Variants in SCMH1 observed in about 807,000 individuals in gnomAD.
SCMH1 encodes the protein Scm polycomb group protein homolog 1.
Under a neutral mutation model 70.8 loss-of-function variants are expected in SCMH1, and 37 were observed. The ratio of observed to expected loss-of-function variants is 0.52; its 90% CI spans 0.40 to 0.69. SCMH1 has a LOEUF of 0.69. Among genes scored for constraint, SCMH1 ranks in the 30% least tolerant of loss-of-function variants. The probability of loss-of-function intolerance (pLI) is 0.00; values close to 1 mark genes in which losing one functional copy is unlikely to be tolerated. For missense variants in SCMH1, 607 were observed against 827.3 expected, an observed-to-expected ratio of 0.73 and a Z score of 3.27; for synonymous variants, 292 against 307.4, an observed-to-expected ratio of 0.95 and a Z score of 0.52.
chr1:41,064,169 A>T (rs1167950229), intron 10 of SCMH1, among the ~76,000 whole-genome samples: 2 of 152,244 alleles, frequency 1.3e-5, no homozygotes, highest in Non-Finnish European at 2.9e-5. Flanking sequence ...ATAGATGCAG[A>T]AAAAGGATGT....
intron 2 of SCMH1, among the ~76,000 whole-genome samples, chr1:41,179,401 C>A (rs1353940021): frequency 6.6e-6 from 1 of 152,078 alleles, no homozygotes; most frequent in Non-Finnish European, 1.5e-5. Context: ...ACACAAAAAA[C>A]CCTTCCAAAA....
chr1:41,152,438 A>C (rs946136984), intron 4 of SCMH1, among the ~76,000 whole-genome samples: 2 of 152,248 alleles, frequency 1.3e-5, no homozygotes, highest in African/African-American at 4.8e-5. Flanking sequence ...AGTTTGAAGA[A>C]CACTGTCCTA....
chr1:41,191,626 C>T (rs1208323802), intron 1 of SCMH1, among the ~76,000 whole-genome samples: 2 of 152,150 alleles, frequency 1.3e-5, no homozygotes, highest in African/African-American at 4.8e-5. Context: ...TTTAATGTCT[C>T]CTCCTCCTTC....
At chr1:41,043,124 C>T (rs1035265058) in intron 12 of SCMH1, 8 of 152,186 alleles carry the variant, frequency 5.3e-5, no homozygotes, top group Admixed American at 3.9e-4. Context: ...GACGGAGTCT[C>T]ACTCTGTTGC....
At chr1:41,088,111 G>A (rs890350067) in intron 8 of SCMH1, among the ~76,000 whole-genome samples, 2 of 151,910 alleles carry the variant, frequency 1.3e-5, no homozygotes, top group African/African-American at 2.4e-5. Context: ...TGACTCCCAG[G>A]GTATACTGTT....
chr1:41,175,527 C>T (rs1647056929), intron 2 of SCMH1, among the ~76,000 whole-genome samples: 1 of 152,250 alleles, frequency 6.6e-6, no homozygotes, highest in Non-Finnish European at 1.5e-5. Context: ...CCTACCTACA[C>T]AGCTCCCATT....
rs1360141705 is a variant in SCMH1, at chr1:41,075,212, T to C, written c.978+7A>G. 6.2e-7 allele frequency: 1 copy of C among 1,613,850 alleles called. No individual in the cohort carries two copies. Among genetic ancestry groups the C allele is most frequent in the Admixed American group, 1.7e-5 (1 of 60,024 alleles). ...ATTCCTTTCTGGGAAACCCACATTT[T>C]ACCTACCTTGCTGCCAGGTTTGGGA... On this transcript the variant is annotated splice_region_variant and intron_variant, in intron 9 of 14. Coordinates refer to ENST00000337495, the Ensembl canonical transcript of SCMH1.
chr1:41,093,768 A>G (rs1177466773), intron 8 of SCMH1, among the ~76,000 whole-genome samples: 1 of 152,212 alleles, frequency 6.6e-6, no homozygotes, highest in African/African-American at 2.4e-5. Context: ...TATCACCACA[A>G]TCTCATCAGA....
At chr1:41,237,359 T>A (rs1055723157) in intron 1 of SCMH1, among the ~76,000 whole-genome samples, 4 of 152,222 alleles carry the variant, frequency 2.6e-5, no homozygotes, top group African/African-American at 9.6e-5. Flanking sequence ...TAGATTTTTT[T>A]AACCTAAAAT....
intron 1 of SCMH1, among the ~76,000 whole-genome samples, chr1:41,221,018 T>C (rs1659141489): frequency 6.6e-6 from 1 of 152,198 alleles, no homozygotes; most frequent in Non-Finnish European, 1.5e-5. Context: ...AAGTCATTTA[T>C]TGGCATAGAT....
intron 5 of SCMH1, among the ~76,000 whole-genome samples, chr1:41,144,865 T>A (rs1214038694): frequency 6.6e-6 from 1 of 152,198 alleles, no homozygotes; most frequent in Non-Finnish European, 1.5e-5. Flanking sequence ...GTATCTTTAA[T>A]GTGCCTAACT....
intron 13 of SCMH1, among the ~76,000 whole-genome samples, chr1:41,032,503 G>A (rs1644668412): frequency 6.6e-6 from 1 of 152,218 alleles, no homozygotes; most frequent in Admixed American, 6.5e-5. Context: ...TTGAGGAAGA[G>A]GAGGGAAGTG....
At chr1:41,104,242 T>A (rs764755901) in intron 8 of SCMH1, among the ~76,000 whole-genome samples, 38 of 152,166 alleles carry the variant, frequency 2.5e-4, no homozygotes, top group Non-Finnish European at 2.5e-4. Flanking sequence ...ACTGCTAACA[T>A]GAGCCTGTAA....
intron 1 of SCMH1, among the ~76,000 whole-genome samples, chr1:41,227,252 G>A (rs1477709146): frequency 6.6e-6 from 1 of 152,178 alleles, no homozygotes; most frequent in East Asian, 1.9e-4. Flanking sequence ...TCCTGTCTCT[G>A]AGACTTAGCA....
chr1:41,082,536 G>A (rs1337969766), intron 8 of SCMH1, among the ~76,000 whole-genome samples: 1 of 152,130 alleles, frequency 6.6e-6, no homozygotes, highest in African/African-American at 2.4e-5. Flanking sequence ...GTCACCACCA[G>A]GCCTGTCCTA....
intron 7 of SCMH1, among the ~76,000 whole-genome samples, chr1:41,114,597 T>C (rs1162573500): frequency 6.7e-6 from 1 of 148,644 alleles, no homozygotes; most frequent in African/African-American, 2.5e-5. Context: ...ATAACCTTTA[T>C]TATATACTAT....
At chr1:41,149,817 A>G (rs930376590) in intron 5 of SCMH1, among the ~76,000 whole-genome samples, 4 of 152,214 alleles carry the variant, frequency 2.6e-5, no homozygotes, top group Non-Finnish European at 5.9e-5. Flanking sequence ...AACTATTCTC[A>G]GCCCTGTGTG....
At chr1:41,199,873 AT>A (rs1272462984) in intron 1 of SCMH1, among the ~76,000 whole-genome samples, 3 of 152,274 alleles carry the variant, frequency 2.0e-5, no homozygotes, top group Middle Eastern at 6.8e-3. Context: ...CTGAATCTAA[AT>A]TAAAATTCAA....
At chr1:41,206,718 GCAACC>G (rs1315822484) in intron 1 of SCMH1, among the ~76,000 whole-genome samples, 1 of 152,088 alleles carries the variant, frequency 6.6e-6, no homozygotes, top group Non-Finnish European at 1.5e-5. Flanking sequence ...CTTGAGAAGA[GCAACC>G]CCAAGACACA....
Sources: gnomAD v4.1 joint callset for allele counts (sites outside exome capture counted in the v4.1 genomes callset) on GRCh38, gnomAD v4.1.1 for gene constraint, MANE v1.5 for transcripts, NCBI Gene and HGNC (gene_info 2026-07-23, HGNC 2026-07-21) for gene names.